The following LDB3 variants were observed in gnomAD, a reference collection of about 807,000 sequenced individuals.
LDB3 encodes the protein LIM domain-binding protein 3.
A neutral mutation model predicts 69.0 loss-of-function variants in LDB3; 49 were observed. The observed-to-expected ratio is 0.71, with a 90% CI of 0.56 to 0.90. The LOEUF is 0.90. Ranked by LOEUF, LDB3 falls within the 40% of genes least tolerant of loss-of-function variation. The probability of loss-of-function intolerance (pLI) is 0.00; values close to 1 mark genes in which losing one functional copy is unlikely to be tolerated. For synonymous variants in LDB3, 387 were observed against 396.2 expected (o/e 0.98, Z 0.28); for missense variants, 928 against 974.1 (o/e 0.95, Z 0.63).
intron 9 of LDB3, among the ~76,000 whole-genome samples, chr10:86,715,421 G>A (rs1006192972): frequency 2.0e-5 from 3 of 152,154 alleles, no homozygotes; most frequent in Middle Eastern, 3.2e-3. Context: ...GGGCCCAGGC[G>A]GGAGAGGGCT....
At chr10:86,726,025 A>C (rs1847239005) in intron 12 of LDB3, 112 bp from the exon 13 acceptor site, 3 of 726,668 alleles carry the variant, frequency 4.1e-6, no homozygotes, top group South Asian at 3.0e-5. Context: ...GATGACAAAC[A>C]ACCAATTAGA....
upstream of LDB3, among the ~76,000 whole-genome samples, chr10:86,667,954 G>A (rs966259660): frequency 6.6e-6 from 1 of 152,206 alleles, no homozygotes; most frequent in Non-Finnish European, 1.5e-5. Context: ...TAACCTCCCT[G>A]AGCTTTGTCT....
intron 2 of LDB3, among the ~76,000 whole-genome samples, chr10:86,671,299 G>A (rs946170537): frequency 1.3e-5 from 2 of 152,174 alleles, no homozygotes; most frequent in African/African-American, 4.8e-5. Context: ...AGAGGCACTG[G>A]GGAGGGTCTG....
chr10:86,711,102 G>C (rs746510428), intron 9 of LDB3, among the ~76,000 whole-genome samples: 2 of 152,234 alleles, frequency 1.3e-5, no homozygotes, highest in African/African-American at 2.4e-5. Context: ...CCCCTGCAGA[G>C]ACTGGGAACA....
At chr10:86,723,585 A>T (rs1318530814) in intron 12 of LDB3, among the ~76,000 whole-genome samples, 1 of 152,240 alleles carries the variant, frequency 6.6e-6, no homozygotes, top group East Asian at 1.9e-4. Context: ...AAGTGGGTGC[A>T]GGGCTTGTCC....
intron 8 of LDB3, among the ~76,000 whole-genome samples, chr10:86,707,638 T>C (rs1158205629): frequency 6.6e-6 from 1 of 152,180 alleles, no homozygotes; most frequent in African/African-American, 2.4e-5. Flanking sequence ...CCTCCCACCC[T>C]GGCCCCCACG....
At chr10:86,727,334 T>A (rs1847289932) in intron 13 of LDB3, among the ~76,000 whole-genome samples, 1 of 149,012 alleles carries the variant, frequency 6.7e-6, no homozygotes, top group Admixed American at 6.7e-5. Flanking sequence ...TTTGGGAAAA[T>A]TAAGACACCT....
chr10:86,711,737 C>T (rs1846675858), intron 9 of LDB3, among the ~76,000 whole-genome samples: 1 of 150,564 alleles, frequency 6.6e-6, no homozygotes, highest in Non-Finnish European at 1.5e-5. Flanking sequence ...GCGGCCGCTC[C>T]CCGGAACACC....
chr10:86,721,524 A>T (rs1847085944), intron 12 of LDB3, among the ~76,000 whole-genome samples: 2 of 152,236 alleles, frequency 1.3e-5, no homozygotes, highest in South Asian at 4.1e-4. Flanking sequence ...CACCTAGGGA[A>T]CTTAACAAAC....
chr10:86,735,090 C>CAA lies in LDB3; in HGVS notation c.*2115_*2116insAA, dbSNP rs1446803518. 35 of 133,838 alleles carry CAA rather than the reference C, an allele frequency of 2.6e-4. No homozygotes were observed. The highest frequency in any genetic ancestry group is 1.4e-3 in the African/African-American group (35 of 25,522). 8.3% of individuals were successfully genotyped at this position (133,838 alleles called of 1,614,324 possible). A position where few individuals can be genotyped will look rare whatever the true frequency, so the allele number is the denominator to read the frequency against. On this transcript the variant is annotated 3_prime_UTR_variant, in exon 14 of 14. Coordinates refer to ENST00000361373, the MANE Select transcript of LDB3 (RefSeq NM_007078.3). Reference sequence around the variant, plus strand: ...ACACACACACACACACACACACACACACACACACACGATCATTAAAAAGTG... The same window carrying CAA: ...ACACACACACACACACACACACACACAAACACACACACGATCATTAAAAAGTG...
intron 13 of LDB3, among the ~76,000 whole-genome samples, chr10:86,731,347 C>T (rs1309100951): frequency 6.6e-6 from 1 of 150,920 alleles, no homozygotes; most frequent in Non-Finnish European, 1.5e-5. Context: ...GCCTCAGCCT[C>T]CTGAGTAGCT....
intron 13 of LDB3, among the ~76,000 whole-genome samples, chr10:86,728,590 T>TTTTTTTGTTTTTTG (rs1564663958): frequency 6.7e-6 from 1 of 148,850 alleles, no homozygotes; most frequent in African/African-American, 2.5e-5. Flanking sequence ...TCTTTTGTTT[T>TTTTTTTGTTTTTTG]TTTTTTTTTT....
rs969458482 is a variant in LDB3 at position 86,699,951 on chromosome 10, C to T, written c.897-6580C>T. 1.0e-6 allele frequency: 1 copy of T among 1,002,996 alleles called. No homozygotes were observed. Among genetic ancestry groups the T allele is most frequent in the Non-Finnish European group, 1.2e-6 (1 of 839,550 alleles). The allele number at this position is 1,002,996 out of a possible 1,614,324, so 62.1% of individuals were successfully genotyped here. On this transcript the variant is annotated intron_variant, in intron 7 of 13. Transcript: ENST00000361373. The surrounding 1 kb of genome is among the most constrained non-coding windows in gnomAD (Gnocchi z 4.9). ...CTGGCAGTGGTGAGGTGGGGGCATG[C>T]ACCCTCCTTTCTGTACCGTGTGTGC...
chr10:86,721,764 G>T (rs373590331), intron 12 of LDB3, among the ~76,000 whole-genome samples: 2 of 152,158 alleles, frequency 1.3e-5, no homozygotes, highest in Non-Finnish European at 2.9e-5. Flanking sequence ...AGCCTGGCAC[G>T]CTGTGTTTCA....
chr10:86,687,155 G>A (rs1385468223), intron 5 of LDB3: 3 of 1,614,254 alleles, frequency 1.9e-6, no homozygotes, highest in South Asian at 2.2e-5. Context: ...AAGGGGCTGG[G>A]CGGCAAGGCC....
chr10:86,675,882 A>C (rs1398173774), intron 2 of LDB3, among the ~76,000 whole-genome samples: 1 of 152,214 alleles, frequency 6.6e-6, no homozygotes, highest in Admixed American at 6.5e-5. Context: ...AGGAGTAGGG[A>C]AAGTTGATTT....
intron 9 of LDB3, among the ~76,000 whole-genome samples, chr10:86,710,919 T>C (rs754011012): frequency 1.1e-4 from 17 of 152,196 alleles, no homozygotes; most frequent in Non-Finnish European, 2.1e-4. Flanking sequence ...GGACACCTTG[T>C]GTTCTGGGGA....
intron 2 of LDB3, among the ~76,000 whole-genome samples, chr10:86,672,238 G>A (rs999829522): frequency 9.9e-5 from 15 of 152,218 alleles, no homozygotes; most frequent in African/African-American, 2.7e-4. Context: ...TGGTGGAGTC[G>A]GGGGCTGAGC....
In LDB3 at chr10:86,668,676, C is replaced by G. The variant is rs371348230; in HGVS notation, c.-16C>G. 6.8e-6 allele frequency: 11 copies of G among 1,608,150 alleles called. No homozygotes were observed. In the African/African-American group the frequency reaches 1.5e-4, roughly 21 times the overall value. On this transcript the variant is annotated 5_prime_UTR_variant, in exon 2 of 14. Transcript: ENST00000361373. ...TCTACCCTTTGTCTGCAGAGGCGGC[C>G]GCTGACAGCACCAGCATGTCTTACA...
Sources: allele counts gnomAD v4.1 joint callset (sites outside exome capture counted in the v4.1 genomes callset), GRCh38; gene constraint gnomAD v4.1.1; non-coding constraint Gnocchi (gnomAD v3.1); transcripts MANE v1.5; gene names NCBI Gene and HGNC (gene_info 2026-07-23, HGNC 2026-07-21).